SELENBP1: variants seen among roughly 807,000 people sequenced by gnomAD.
SELENBP1 encodes the protein selenium binding protein 1, also known as methanethiol oxidase.
SELENBP1 carries 71 observed loss-of-function variants against 61.0 expected under a neutral mutation model. The ratio of observed to expected loss-of-function variants is 1.16; its 90% CI spans 0.96 to 1.42. The LOEUF is 1.42. Among genes scored for constraint, SELENBP1 ranks in the 40% most tolerant of loss-of-function variants. The pLI, the probability that SELENBP1 is intolerant of heterozygous loss-of-function variation, is 0.00. For synonymous variants in SELENBP1, 270 were observed against 238.9 expected (o/e 1.13, Z -1.20); for missense variants, 561 against 605.0 (o/e 0.93, Z 0.76).
chr1:151,372,543 C>A (rs900384639), intron 1 of SELENBP1, 95 bp downstream of exon 1: 1 of 1,520,228 alleles, frequency 6.6e-7, no homozygotes. Context: ...CTCCCCAGCT[C>A]CCCACTCAGG....
chr1:151,367,355 A>AAAAAAGAAAAAAAGAAAAG lies in SELENBP1; in HGVS notation c.482-452_482-451insCTTTTCTTTTTTTCTTTTT, dbSNP rs1651891684. The stretch of plus-strand genomic sequence containing the variant: ...CGAGACTCCCATCTCAAAAAAAAAA[A>AAAAAAGAAAAAAAGAAAAG]AAAAAGAGAAAAGAAAAAGAAAAAA... On this transcript the variant is annotated intron_variant, in intron 5 of 11. Transcript: ENST00000368868. 4 of 49,264 alleles carry AAAAAAGAAAAAAAGAAAAG rather than the reference A, an allele frequency of 8.1e-5. 2 individuals carry two copies. Among genetic ancestry groups the AAAAAAGAAAAAAAGAAAAG allele is most frequent in the South Asian group, 2.1e-3 (2 of 972 alleles). The allele number at this position is 49,264 out of a possible 1,614,324, so 3.1% of individuals were successfully genotyped here.
At chr1:151,370,888 G>A (rs1440368685) in intron 1 of SELENBP1, among the ~76,000 whole-genome samples, 1 of 152,200 alleles carries the variant, frequency 6.6e-6, no homozygotes. Context: ...ACTCCCACTC[G>A]CAGCAGCCAA....
At chr1:151,369,377 G>C (rs374416256) in intron 3 of SELENBP1, 65 bp downstream of exon 3, 38 of 1,494,320 alleles carry the variant, frequency 2.5e-5, no homozygotes, top group African/African-American at 4.1e-5. Flanking sequence ...GGGAAGGGGG[G>C]GCCCAGGGCC....
rs752091592 is a variant in SELENBP1, at chr1:151,365,251, C to T, written c.1075G>A (p.Gly359Ser). The T allele has an allele frequency of 1.2e-6, 2 of 1,613,384 alleles. No homozygotes were observed. Among genetic ancestry groups the T allele is most frequent in the Admixed American group, 3.3e-5 (2 of 59,874 alleles). The change falls in exon 10 of 12, where the codon GGC becomes AGC. Residue 359 changes from glycine to serine, a missense_variant. Gly to Ser is a moderately conservative substitution (Grantham distance 56). Coordinates refer to ENST00000368868, the MANE Select transcript of SELENBP1 (RefSeq NM_003944.4). ...TCGTCCTCCAGCACTTGCACAGGGC[C>T]TCCCTTAACAATGCTGCCTCCGAGG... ...LFLGGSIVKGGPVQVLEDEEL... is the reference protein window; with the variant it reads ...LFLGGSIVKGSPVQVLEDEEL...
In SELENBP1 at chr1:151,366,445, C is replaced by A. The variant is rs758495626; in HGVS notation, c.673G>T (p.Gly225Trp). The A allele has an allele frequency of 2.1e-5, 34 of 1,613,344 alleles. No homozygotes were observed. The highest frequency in any genetic ancestry group is 2.8e-5 in the Non-Finnish European group (33 of 1,179,814). Reference sequence around the variant, plus strand: ...CAGTCCCATACATATAAGTGGCTCCCGTACAGTCCTGGGGTGGGAGTGGGG... The same window carrying A: ...CAGTCCCATACATATAAGTGGCTCCAGTACAGTCCTGGGGTGGGAGTGGGG... ...NPADVEAGLY[G>W]SHLYVWDWQR... Residue 225 changes from glycine to tryptophan, a missense_variant, in exon 7 of 12, where the codon GGG (glycine) becomes TGG (tryptophan). Transcript: ENST00000368868.
Position 151,364,579 on chromosome 1 carries a change from G to A in SELENBP1, c.1383C>T (p.Tyr461=), listed in dbSNP as rs765130440. ...LGPALAHELR[Y]PGGDCSSDIW... ...TGTCAGAGCTACAATCGCCCCCAGG[G>A]TAGCGGAGCTCATGGGCAAGGGCTG... Residue 461 remains tyrosine (Y), a synonymous_variant, in exon 12 of 12, where the codon TAC becomes TAT. Transcript: ENST00000368868. The A allele has an allele frequency of 6.2e-7, 1 of 1,614,162 alleles. No homozygotes were observed. The highest frequency in any genetic ancestry group is 1.7e-5 in the Admixed American group (1 of 60,016).
intron 4 of SELENBP1, 85 bp downstream of exon 4, chr1:151,368,919 G>A (rs1029288777): frequency 1.4e-6 from 2 of 1,414,370 alleles, no homozygotes; most frequent in African/African-American, 1.4e-5. Flanking sequence ...GAGGCTGCTG[G>A]TTTAGGTCTG....
At position 151,370,044 on chromosome 1, in the gene SELENBP1, T is replaced by C. The variant is rs572770953; in HGVS notation, c.5-275A>G. 5 of 1,418,094 alleles carry C rather than the reference T, an allele frequency of 3.5e-6. No individual in the cohort carries two copies. In the East Asian group the frequency reaches 1.0e-4, roughly 29 times the overall value. The allele number at this position is 1,418,094 out of a possible 1,614,324, so 87.8% of individuals were successfully genotyped here. On this transcript the variant is annotated intron_variant, in intron 1 of 11. Coordinates refer to ENST00000368868, the MANE Select transcript of SELENBP1 (RefSeq NM_003944.4). ...GGGAGGAGGGCTGATGCAGCCGGGG[T>C]CGTGTGGTGTAGTGAATATGACACG...
chr1:151,366,900 A>G lies in SELENBP1; in HGVS notation c.486T>C (p.Gly162=), dbSNP rs1394432302. The change falls in exon 6 of 12, where the codon GGT becomes GGC. Residue 162 remains glycine (G), a synonymous_variant. Transcript: ENST00000368868. ...LGDVKGNGKG[G]FVLLDGETFE... ...ACGTCTCCCCATCCAGCAGCACAAA[A>G]CCCCCTGAACAGGGAAGGAAGCAGG... 2 of 1,612,862 alleles carry G rather than the reference A, an allele frequency of 1.2e-6. No individual in the cohort carries two copies. The highest frequency in any genetic ancestry group is 2.7e-5 in the African/African-American group (2 of 74,704).
At chr1:151,372,565 T>C in intron 1 of SELENBP1, 73 bp downstream of exon 1, 12 of 1,603,806 alleles carry the variant, frequency 7.5e-6, no homozygotes, top group Non-Finnish European at 1.0e-5. Context: ...TTTCTAGCAT[T>C]TTCTGGAGGA....
At chr1:151,366,526 C>A in intron 6 of SELENBP1, 73 bp from the exon 7 acceptor site, 1 of 1,529,654 alleles carries the variant, frequency 6.5e-7, no homozygotes, top group Non-Finnish European at 8.9e-7. Context: ...ACTGGGCCAC[C>A]AATCAGGGCA....
chr1:151,369,657 A>AC, intron 2 of SELENBP1, 56 bp downstream of exon 2: 1 of 1,544,650 alleles, frequency 6.5e-7, no homozygotes, highest in Non-Finnish European at 8.8e-7. Context: ...AAGTCCCTCC[A>AC]CCCCCAGCTG....
intron 4 of SELENBP1, among the ~76,000 whole-genome samples, chr1:151,368,746 A>T (rs1651981493): frequency 6.6e-6 from 1 of 152,180 alleles, no homozygotes; most frequent in African/African-American, 2.4e-5. Context: ...TGGGGGAATA[A>T]ATGGCTCCCT....
chr1:151,364,539 G>A lies in SELENBP1; in HGVS notation c.*4C>T. 6.2e-7 allele frequency: 1 copy of A among 1,613,958 alleles called. No homozygotes were observed. The highest frequency in any genetic ancestry group is 8.5e-7 in the Non-Finnish European group (1 of 1,179,940). ...ATAGGGAGTGTGGGTGATGAGGGTGGAGTTCAAATCCAGATGTCAGAGCTA... is the reference window on the plus strand; with the variant it reads ...ATAGGGAGTGTGGGTGATGAGGGTGAAGTTCAAATCCAGATGTCAGAGCTA... On this transcript the variant is annotated 3_prime_UTR_variant, in exon 12 of 12. Coordinates refer to ENST00000368868, the MANE Select transcript of SELENBP1 (RefSeq NM_003944.4).
rs1651767784 is a variant in SELENBP1, at chr1:151,365,586, G to A, written c.1021C>T (p.Gln341Ter). The A allele has an allele frequency of 1.2e-6, 2 of 1,614,162 alleles. No homozygotes were observed. Among genetic ancestry groups the A allele is most frequent in the Non-Finnish European group, 1.7e-6 (2 of 1,180,026 alleles). ...ACCTGTCCTGTGAGGCGGGGTCTCT[G>A]TGGGTCAGAGATGTCATACTGCCTC... ...DLRQYDISDP[Q>*]RPRLTGQLFL... is the part of the protein sequence containing the mutation. The change falls in exon 9 of 12, where the codon CAG becomes TAG. Residue 341 changes from glutamine to a stop codon, truncating the protein, a stop_gained. Coordinates refer to ENST00000368868, the MANE Select transcript of SELENBP1 (RefSeq NM_003944.4). LOFTEE classifies it high-confidence loss of function.
At chr1:151,366,625 G>T in intron 6 of SELENBP1, 97 bp downstream of exon 6, 1 of 1,477,938 alleles carries the variant, frequency 6.8e-7, no homozygotes. Flanking sequence ...CTTAGATTCT[G>T]GGGCCACAGG....
chr1:151,369,869 C>A (rs986228498), intron 1 of SELENBP1, 100 bp from the exon 2 acceptor site: 2 of 1,551,012 alleles, frequency 1.3e-6, no homozygotes, highest in Non-Finnish European at 1.7e-6. Flanking sequence ...CACGGCAGTG[C>A]GGCTGGCCTA....
In SELENBP1 at chr1:151,364,368, G is replaced by A; in HGVS notation, c.*175C>T. On this transcript the variant is annotated 3_prime_UTR_variant, in exon 12 of 12. Coordinates refer to ENST00000368868, the MANE Select transcript of SELENBP1 (RefSeq NM_003944.4). ...AGAGCTCATGGAAAAGCAGCACAGTGAGCAACAAGCAACAGTGGTCAGTAA... is the reference window on the plus strand; with the variant it reads ...AGAGCTCATGGAAAAGCAGCACAGTAAGCAACAAGCAACAGTGGTCAGTAA... The A allele has an allele frequency of 1.4e-6, 1 of 724,366 alleles. No homozygotes were observed. Among genetic ancestry groups the A allele is most frequent in the African/African-American group, 1.8e-5 (1 of 56,164 alleles). 44.9% of individuals were successfully genotyped at this position (724,366 alleles called of 1,614,324 possible).
Position 151,368,997 on chromosome 1 carries a change from G to A in SELENBP1, c.360+7C>T, listed in dbSNP as rs771162827. ...GTCTACTGAGCTGGCAAGGGCAGAGGACATGCCTTGTGCAGCTTTGGGGCC... is the reference window on the plus strand; with the variant it reads ...GTCTACTGAGCTGGCAAGGGCAGAGAACATGCCTTGTGCAGCTTTGGGGCC... On this transcript the variant is annotated splice_region_variant and intron_variant, in intron 4 of 11. Transcript: ENST00000368868. 2 of 1,606,042 alleles carry A rather than the reference G, an allele frequency of 1.2e-6. No individual in the cohort carries two copies. Among genetic ancestry groups the A allele is most frequent in the African/African-American group, 2.7e-5 (2 of 74,810 alleles).
Sources: gnomAD v4.1 joint callset for allele counts (sites outside exome capture counted in the v4.1 genomes callset) on GRCh38, gnomAD v4.1.1 for gene constraint, MANE v1.5 for transcripts, NCBI Gene and HGNC (gene_info 2026-07-23, HGNC 2026-07-21) for gene names.